The following RPGRIP1L variants were observed in gnomAD, a reference collection of about 807,000 sequenced individuals.
RPGRIP1L encodes the protein protein fantom.
A neutral mutation model predicts 160.4 loss-of-function variants in RPGRIP1L; 131 were observed. The observed-to-expected ratio is 0.82, with a 90% CI of 0.71 to 0.94. RPGRIP1L has a LOEUF of 0.94. Among genes scored for constraint, RPGRIP1L ranks in the 40% least tolerant of loss-of-function variants. The pLI is 0.00. For missense variants in RPGRIP1L, 1,522 were observed against 1,535.8 expected (o/e 0.99, Z 0.15); for synonymous variants, 510 against 515.8 (o/e 0.99, Z 0.15).
chr16:53,635,344 CTT>C (rs1965776208), intron 22 of RPGRIP1L: 1 of 152,028 alleles, frequency 6.6e-6, no homozygotes, highest in African/African-American at 2.4e-5. Flanking sequence ...AATGATAAAA[CTT>C]TGGACAGATA....
chr16:53,653,505 GC>G (rs1966975745), intron 14 of RPGRIP1L: 1 of 209,560 alleles, frequency 4.8e-6, no homozygotes, highest in African/African-American at 2.4e-5. Context: ...TATCTGCCTT[GC>G]TTTTCTGTGA....
intron 24 of RPGRIP1L, 123 bp downstream of exon 24, chr16:53,618,902 G>A: frequency 2.3e-6 from 2 of 879,332 alleles, no homozygotes; most frequent in South Asian, 3.2e-5. Context: ...AATCAATTCT[G>A]ACAAGACTTC....
At chr16:53,696,128 A>G in intron 3 of RPGRIP1L, 23 bp downstream of exon 3, 4 of 1,611,980 alleles carry the variant, frequency 2.5e-6, no homozygotes, top group Non-Finnish European at 3.4e-6. Context: ...CAAGAAAAAA[A>G]GCTAAAAGCT....
Position 53,672,867 on chromosome 16 carries a change from T to C in RPGRIP1L, c.1029+3A>G. On this transcript the variant is annotated splice_donor_region_variant and intron_variant, in intron 8 of 26. Coordinates refer to ENST00000647211, the MANE Select transcript of RPGRIP1L (RefSeq NM_015272.5). ...CAGATGGCTAAACTCTTTGGGAGCT[T>C]ACCTCTTCTATTCTTCTTTCAGAAA... The C allele has an allele frequency of 6.2e-7, 1 of 1,611,898 alleles. No individual in the cohort carries two copies. Among genetic ancestry groups the C allele is most frequent in the Middle Eastern group, 1.8e-4 (1 of 5,488 alleles).
At chr16:53,643,306 T>TA (rs77427391) in intron 17 of RPGRIP1L, among the ~76,000 whole-genome samples, 6,965 of 111,312 alleles carry the variant, frequency 0.063, 358 homozygotes, top group East Asian at 0.33. Flanking sequence ...AGACTCCATC[T>TA]AAAAAAAAAA....
At chr16:53,660,986 T>C (rs73607980) in intron 10 of RPGRIP1L, among the ~76,000 whole-genome samples, 3,916 of 151,072 alleles carry the variant, frequency 0.026, 166 homozygotes, top group African/African-American at 0.09. Context: ...ATTGCTTATA[T>C]CTAGTTTACT....
In RPGRIP1L at chr16:53,653,281, A is replaced by G. The variant is rs902318030; in HGVS notation, c.1700-294T>C. 5.1e-6 allele frequency: 5 copies of G among 974,102 alleles called. No individual in the cohort carries two copies. The East Asian group carries it at 5.7e-4, about 111-fold the overall frequency. The allele number at this position is 974,102 out of a possible 1,614,324, so 60.3% of individuals were successfully genotyped here. A position where few individuals can be genotyped will look rare whatever the true frequency, so the allele number is the denominator to read the frequency against. On this transcript the variant is annotated intron_variant, in intron 14 of 26. Coordinates refer to ENST00000647211, the MANE Select transcript of RPGRIP1L (RefSeq NM_015272.5). ...AAAGCGCTCTTAATGAACAGCTGAG[A>G]TAACTACCTGGATTTCACCTGCTTC... is the stretch of plus-strand genomic sequence containing the variant.
chr16:53,647,803 T>C (rs750605038), intron 16 of RPGRIP1L, among the ~76,000 whole-genome samples: 1 of 152,192 alleles, frequency 6.6e-6, no homozygotes, highest in Non-Finnish European at 1.5e-5. Flanking sequence ...TTACATTGCC[T>C]ACTAAAATTC....
intron 26 of RPGRIP1L, among the ~76,000 whole-genome samples, chr16:53,602,757 A>G (rs528013193): frequency 6.7e-5 from 10 of 149,638 alleles, no homozygotes; most frequent in African/African-American, 2.5e-4. Context: ...CTGAGAGACA[A>G]GAGCGAGACT....
intron 24 of RPGRIP1L, among the ~76,000 whole-genome samples, chr16:53,615,849 A>G (rs1408326731): frequency 6.6e-6 from 1 of 151,726 alleles, no homozygotes; most frequent in Non-Finnish European, 1.5e-5. Context: ...TGTCCACCTC[A>G]GCCTCCCAAA....
intron 15 of RPGRIP1L, among the ~76,000 whole-genome samples, chr16:53,650,988 T>C (rs1269126877): frequency 6.6e-6 from 1 of 152,226 alleles, no homozygotes; most frequent in South Asian, 2.1e-4. Context: ...ATATTCTATA[T>C]GCTAACAACT....
intron 10 of RPGRIP1L, among the ~76,000 whole-genome samples, chr16:53,661,296 CAAAA>C (rs77367756): frequency 1.2e-5 from 1 of 85,818 alleles, no homozygotes; most frequent in Non-Finnish European, 2.4e-5. Flanking sequence ...CACTCCATTT[CAAAA>C]AAAAAAAAAA....
chr16:53,605,228 CAAAT>C lies in RPGRIP1L; in HGVS notation c.3835+249_3835+252del, dbSNP rs1292281596. On this transcript the variant is annotated intron_variant, in intron 26 of 26. Coordinates refer to ENST00000647211, the MANE Select transcript of RPGRIP1L (RefSeq NM_015272.5). ...TTTTCACGCCTTCACTCAATACTAA[CAAAT>C]GAATAATTCCTTGTGAAGCTAAATT... is the stretch of plus-strand genomic sequence containing the variant. Among the ~76,000 whole-genome samples the C allele has an allele frequency of 1.1e-4, 16 of 151,312 alleles. No individual in the cohort carries two copies. The East Asian group carries it at 3.1e-3, about 29-fold the overall frequency.
chr16:53,698,813 G>T (rs960304828), intron 2 of RPGRIP1L, among the ~76,000 whole-genome samples: 1 of 151,084 alleles, frequency 6.6e-6, no homozygotes, highest in Admixed American at 6.6e-5. Flanking sequence ...CGGGAGGTGA[G>T]GGGCGCCTCT....
intron 9 of RPGRIP1L, among the ~76,000 whole-genome samples, chr16:53,671,120 A>G (rs771312188): frequency 1.3e-5 from 2 of 152,054 alleles, no homozygotes; most frequent in Non-Finnish European, 2.9e-5. Flanking sequence ...AGTGCCTCTT[A>G]ATGTTACTTA....
chr16:53,625,314 G>A (rs1276480845), intron 22 of RPGRIP1L, among the ~76,000 whole-genome samples: 1 of 151,578 alleles, frequency 6.6e-6, no homozygotes, highest in Non-Finnish European at 1.5e-5. Context: ...TCTGGGATGT[G>A]GGGAGCGCCT....
intron 1 of RPGRIP1L, chr16:53,701,906 T>A (rs1971426981): frequency 6.6e-6 from 1 of 152,170 alleles, no homozygotes; most frequent in African/African-American, 2.4e-5. Context: ...ACCATTGCAT[T>A]TTGCTTTTAC....
chr16:53,699,372 C>T (rs1971179846), intron 2 of RPGRIP1L, among the ~76,000 whole-genome samples: 1 of 119,974 alleles, frequency 8.3e-6, no homozygotes, highest in South Asian at 2.4e-4. Context: ...TGAGAAACAC[C>T]CAAGAATGAT....
chr16:53,624,174 G>A lies in RPGRIP1L; in HGVS notation c.3295-1818C>T, dbSNP rs8050082. Among the ~76,000 whole-genome samples the A allele has an allele frequency of 6.6e-3, 998 of 152,312 alleles. 13 individuals are homozygous for A. Among genetic ancestry groups the A allele is most frequent in the African/African-American group, 0.023 (970 of 41,562 alleles). On this transcript the variant is annotated intron_variant, in intron 22 of 26. Coordinates refer to ENST00000647211, the MANE Select transcript of RPGRIP1L (RefSeq NM_015272.5). ...CTCAAAGTGCCAGGATCACAGGTGTGAACCACAGTGCCCAGCCTAGAATAT... is the reference window on the plus strand; with the variant it reads ...CTCAAAGTGCCAGGATCACAGGTGTAAACCACAGTGCCCAGCCTAGAATAT...
Sources: allele counts gnomAD v4.1 joint callset (sites outside exome capture counted in the v4.1 genomes callset), GRCh38; gene constraint gnomAD v4.1.1; transcripts MANE v1.5; gene names NCBI Gene and HGNC (gene_info 2026-07-23, HGNC 2026-07-21).